CLCN6: variants seen among roughly 807,000 people sequenced by gnomAD.
CLCN6 encodes the protein Cl-/H+ antiporter 6, also known as H(+)/Cl(-) exchange transporter 6.
A neutral mutation model predicts 109.8 loss-of-function variants in CLCN6; 70 were observed. That is an observed-to-expected ratio of 0.64 (90% confidence interval 0.53 to 0.78). CLCN6 has a LOEUF of 0.78. Ranked by LOEUF, CLCN6 falls within the 30% of genes least tolerant of loss-of-function variation. CLCN6 has a pLI of 0.00. For synonymous variants in CLCN6, 444 were observed against 447.8 expected (o/e 0.99, Z 0.11); for missense variants, 984 against 1,142.3 (o/e 0.86, Z 2.00).
Position 11,806,369 on chromosome 1 carries a change from G to A in CLCN6, c.87+20G>A. The A allele has an allele frequency of 6.7e-7, 1 of 1,498,524 alleles. No individual in the cohort carries two copies. The highest frequency in any genetic ancestry group is 1.3e-5 in the South Asian group (1 of 74,372). 92.8% of individuals were successfully genotyped at this position (1,498,524 alleles called of 1,614,324 possible). On this transcript the variant is annotated intron_variant, in intron 1 of 22. Transcript: ENST00000346436. ...GAGCTGGTAAGAAGCCGGCGGAGTC[G>A]GCCTGGGGAGGGGGCGGTTGCTAAG...
At chr1:11,823,630 C>T (rs1395547979) in intron 6 of CLCN6, 77 bp from the exon 7 acceptor site, 88 of 1,595,848 alleles carry the variant, frequency 5.5e-5, no homozygotes, top group Non-Finnish European at 7.3e-5. Context: ...CTCCCTCTTC[C>T]GCCGCCCAGA....
rs546132692 is a variant in CLCN6 at position 11,815,313 on chromosome 1, C to T, written c.148-533C>T. Among the ~76,000 whole-genome samples the T allele has an allele frequency of 6.6e-5, 10 of 152,238 alleles. No homozygotes were observed. In the South Asian group the frequency reaches 2.1e-3, roughly 32 times the overall value. On this transcript the variant is annotated intron_variant, in intron 2 of 22. Transcript: ENST00000346436. ...TTCTCCTAAAGCATGAAGTATGAAC[C>T]TAAAGCAACACCACTCAAATTTTAA...
intron 7 of CLCN6, 60 bp downstream of exon 7, chr1:11,823,893 T>G: frequency 6.2e-7 from 1 of 1,601,630 alleles, no homozygotes; most frequent in East Asian, 2.2e-5. Context: ...ACAAGAAGCA[T>G]GATGTATTTC....
chr1:11,812,634 G>C (rs1379995727), intron 2 of CLCN6, among the ~76,000 whole-genome samples: 1 of 143,928 alleles, frequency 6.9e-6, no homozygotes, highest in African/African-American at 2.6e-5. Context: ...AAGATACCAC[G>C]GCTCAAAAAA....
Position 11,823,817 on chromosome 1 carries a change from G to T in CLCN6, c.564G>T (p.Leu188=). The T allele has an allele frequency of 1.2e-6, 2 of 1,614,252 alleles. No individual in the cohort carries two copies. The highest frequency in any genetic ancestry group is 1.7e-6 in the Non-Finnish European group (2 of 1,180,036). ...TGCTCTGCAAGGTCCTTGGAGTGCTGTTCAGTGTGGCTGGAGGTAAGAAGG... is the reference window on the plus strand; with the variant it reads ...TGCTCTGCAAGGTCCTTGGAGTGCTTTTCAGTGTGGCTGGAGGTAAGAAGG... ...RTLLCKVLGV[L]FSVAGGLFVE... The change falls in exon 7 of 23, where the codon CTG becomes CTT. Residue 188 remains leucine (L), a synonymous_variant. Transcript: ENST00000346436.
At chr1:11,827,430 C>CTTTTTTTTTTTTTTTTTTTTTTTTTT (rs59015951) in intron 10 of CLCN6, among the ~76,000 whole-genome samples, 9 of 105,026 alleles carry the variant, frequency 8.6e-5, no homozygotes, top group Non-Finnish European at 1.5e-4. Flanking sequence ...ACCGCTGTTA[C>CTTTTTTTTTTTTTTTTTTTTTTTTTT]TTTTTTTTTT....
At chr1:11,840,081 C>A in intron 22 of CLCN6, 62 bp from the exon 23 acceptor site, 1 of 1,362,626 alleles carries the variant, frequency 7.3e-7, no homozygotes, top group Non-Finnish European at 1.1e-6. Flanking sequence ...CGGCTCCTGT[C>A]ACTCCTGTTC....
chr1:11,823,764 G>T lies in CLCN6; in HGVS notation c.511G>T (p.Val171Leu). The change falls in exon 7 of 23, where the codon GTG becomes TTG. Residue 171 changes from valine to leucine, a missense_variant. Coordinates refer to ENST00000346436, the MANE Select transcript of CLCN6 (RefSeq NM_001286.5). ...CAAATGCTATCTGAATGGCGTAAAG[G>T]TGCCAGGAATCGTCCGTCTCCGGAC... Reference protein sequence around the residue: ...EVKCYLNGVKVPGIVRLRTLL... With the variant: ...EVKCYLNGVKLPGIVRLRTLL... 6.2e-7 allele frequency: 1 copy of T among 1,614,282 alleles called. No individual in the cohort carries two copies. Among genetic ancestry groups the T allele is most frequent in the Non-Finnish European group, 8.5e-7 (1 of 1,180,052 alleles).
At chr1:11,815,236 G>T (rs1049081533) in intron 2 of CLCN6, among the ~76,000 whole-genome samples, 1 of 152,100 alleles carries the variant, frequency 6.6e-6, no homozygotes, top group African/African-American at 2.4e-5. Context: ...ATAGCTGAAG[G>T]TCTTTAAATA....
At chr1:11,826,955 AG>A in intron 9 of CLCN6, 133 bp from the exon 10 acceptor site, 1 of 1,117,708 alleles carries the variant, frequency 8.9e-7, no homozygotes, top group African/African-American at 1.6e-5. Context: ...CTGCCTCACC[AG>A]TGACCTGCCC....
Position 11,829,296 on chromosome 1 carries a change from A to G in CLCN6, c.1222A>G (p.Ile408Val). Reference protein sequence around the residue: ...ECRQMSSSSQIGNDSFQLQVT... With the variant: ...ECRQMSSSSQVGNDSFQLQVT... The stretch of plus-strand genomic sequence containing the variant: ...CCGACAGATGTCCTCTTCGAGTCAA[A>G]TCGGTAATGACTCATTCCAGCTCCA... Residue 408 changes from isoleucine to valine, a missense_variant, in exon 13 of 23, where the codon ATC (isoleucine) becomes GTC (valine). Transcript: ENST00000346436. 2 of 1,614,106 alleles carry G rather than the reference A, an allele frequency of 1.2e-6. No homozygotes were observed. Among genetic ancestry groups the G allele is most frequent in the Non-Finnish European group, 1.7e-6 (2 of 1,179,986 alleles).
In CLCN6 at chr1:11,840,323, C is replaced by G; in HGVS notation, c.*100C>G. On this transcript the variant is annotated 3_prime_UTR_variant, in exon 23 of 23. Coordinates refer to ENST00000346436, the MANE Select transcript of CLCN6 (RefSeq NM_001286.5). ...GGCTGTTCCGGGGCATGGAAGATTC[C>G]CAGTCACCCACTCACTCAGAAAGCC... 9.7e-7 allele frequency: 1 copy of G among 1,035,896 alleles called. No individual in the cohort carries two copies. Among genetic ancestry groups the G allele is most frequent in the South Asian group, 1.3e-5 (1 of 79,492 alleles). The allele number at this position is 1,035,896 out of a possible 1,614,324, so 64.2% of individuals were successfully genotyped here.
intron 5 of CLCN6, among the ~76,000 whole-genome samples, chr1:11,821,128 C>T (rs1298189004): frequency 6.6e-6 from 1 of 150,608 alleles, no homozygotes; most frequent in African/African-American, 2.4e-5. Flanking sequence ...TTGACCACAT[C>T]AAAGTACATA....
chr1:11,811,112 G>T (rs1288366494), intron 2 of CLCN6, among the ~76,000 whole-genome samples: 1 of 151,976 alleles, frequency 6.6e-6, no homozygotes, highest in Non-Finnish European at 1.5e-5. Flanking sequence ...TCAGGAGATC[G>T]AAGCAGGTGA....
chr1:11,823,982 G>T (rs1034399656), intron 7 of CLCN6, 149 bp downstream of exon 7: 2 of 941,846 alleles, frequency 2.1e-6, no homozygotes, highest in Non-Finnish European at 3.2e-6. Flanking sequence ...GTTTTTAAAT[G>T]CAGACACTGT....
Position 11,819,551 on chromosome 1 carries a change from A to T in CLCN6, c.343A>T (p.Thr115Ser). ...CCAACTCAAGTTCGGAGTGGTACAG[A>T]CATGTATCCTTTTCACGGTTCCTGG... ...FTQLKFGVVQ[T>S]SVEECSQKGC... is the part of the protein sequence containing the mutation. The change falls in exon 5 of 23, where the codon ACA becomes TCA. Residue 115 changes from threonine (T) to serine (S), a missense_variant. By Grantham distance (58) the Thr-to-Ser change is moderately conservative. Transcript: ENST00000346436. 6.2e-7 allele frequency: 1 copy of T among 1,614,092 alleles called. No individual in the cohort carries two copies. Among genetic ancestry groups the T allele is most frequent in the East Asian group, 2.2e-5 (1 of 44,896 alleles).
chr1:11,834,409 C>T lies in CLCN6; in HGVS notation c.1686+14C>T, dbSNP rs572520697. 3 of 1,613,374 alleles carry T rather than the reference C, an allele frequency of 1.9e-6. No individual in the cohort carries two copies. The highest frequency in any genetic ancestry group is 1.7e-5 in the Admixed American group (1 of 59,992). ...GTCACACTGATGGTGAGCACACTCC[C>T]TCCAGGCCCCTGTCAGGCTCAGGGC... On this transcript the variant is annotated intron_variant, in intron 16 of 22. Transcript: ENST00000346436. The surrounding 1 kb of genome is among the most constrained non-coding windows in gnomAD (Gnocchi z 4.5).
In CLCN6 at chr1:11,806,222, G is replaced by C; in HGVS notation, c.-41G>C. 1 of 1,396,828 alleles carries C rather than the reference G, an allele frequency of 7.2e-7. No homozygotes were observed. The highest frequency in any genetic ancestry group is 9.4e-7 in the Non-Finnish European group (1 of 1,069,494). The allele number at this position is 1,396,828 out of a possible 1,614,324, so 86.5% of individuals were successfully genotyped here. ...GTGAGGCGCAGATCCTGGCTGGGAG[G>C]GGGTTGGTAGAGGGGTCCAGAGTGG... On this transcript the variant is annotated 5_prime_UTR_variant, in exon 1 of 23. Transcript: ENST00000346436.
intron 2 of CLCN6, 39 bp from the exon 3 acceptor site, chr1:11,815,807 C>T (rs201710022): frequency 1.9e-6 from 3 of 1,541,872 alleles, no homozygotes; most frequent in Admixed American, 3.4e-5. Context: ...GGTCTTCTCA[C>T]CTGACATGAC....
Sources: allele counts gnomAD v4.1 joint callset (sites outside exome capture counted in the v4.1 genomes callset), GRCh38; gene constraint gnomAD v4.1.1; non-coding constraint Gnocchi (gnomAD v3.1); transcripts MANE v1.5; gene names NCBI Gene and HGNC (gene_info 2026-07-23, HGNC 2026-07-21).